Variants in NTM observed in about 807,000 individuals in gnomAD.
The protein encoded by NTM is neurotrimin.
A neutral mutation model predicts 42.1 loss-of-function variants in NTM; 13 were observed. That is an observed-to-expected ratio of 0.31 (90% CI 0.20 to 0.49). The LOEUF is 0.49. NTM is among the 20% of genes least tolerant of loss of function. The pLI is 0.99. For missense variants in NTM, 373 were observed against 452.8 expected (o/e 0.82, Z 1.60); for synonymous variants, 187 against 179.2 (o/e 1.04, Z -0.35).
At chr11:131,547,415 T>A (rs1432667307) in intron 1 of NTM, among the ~76,000 whole-genome samples, 1 of 152,196 alleles carries the variant, frequency 6.6e-6, no homozygotes, top group Non-Finnish European at 1.5e-5. Context: ...CCAGACGATC[T>A]TCAACGTCTT....
chr11:131,926,709 T>C (rs546025365), intron 2 of NTM, among the ~76,000 whole-genome samples: 7 of 152,302 alleles, frequency 4.6e-5, no homozygotes, highest in Admixed American at 4.6e-4. Flanking sequence ...CCAACACCTG[T>C]GTGGATTCAC....
chr11:131,994,017 A>AAAAG (rs566525065), intron 2 of NTM, among the ~76,000 whole-genome samples: 1,843 of 137,870 alleles, frequency 0.013, 33 homozygotes, highest in African/African-American at 0.037. Context: ...AAAAAAAAAA[A>AAAAG]AAGAAGAAGA....
At chr11:131,661,011 CG>C in intron 1 of NTM, 1 of 1,304,330 alleles carries the variant, frequency 7.7e-7, no homozygotes. Flanking sequence ...GAAAAAGAAA[CG>C]GGGAAGGTGG....
intron 1 of NTM, among the ~76,000 whole-genome samples, chr11:131,513,306 G>GC (rs2048487960): frequency 6.6e-6 from 1 of 152,190 alleles, no homozygotes; most frequent in South Asian, 2.1e-4. Flanking sequence ...AGGAGACATT[G>GC]TGTCAAGCCC....
At chr11:131,617,332 G>A (rs1419777031) in intron 1 of NTM, among the ~76,000 whole-genome samples, 2 of 152,154 alleles carry the variant, frequency 1.3e-5, no homozygotes, top group East Asian at 1.9e-4. Flanking sequence ...CGTGTGCTTC[G>A]TACGTGCATA....
intron 1 of NTM, among the ~76,000 whole-genome samples, chr11:131,667,196 T>C (rs1565397526): frequency 6.6e-6 from 1 of 152,184 alleles, no homozygotes; most frequent in Non-Finnish European, 1.5e-5. Context: ...ACCCCAATTC[T>C]GGGCAGAATC....
chr11:132,061,181 T>C (rs1004094091), intron 2 of NTM, among the ~76,000 whole-genome samples: 1 of 152,204 alleles, frequency 6.6e-6, no homozygotes, highest in Non-Finnish European at 1.5e-5. Flanking sequence ...ATCTAAGAAG[T>C]AAAGAAATGT....
intron 1 of NTM, among the ~76,000 whole-genome samples, chr11:131,908,958 A>C (rs575880337): frequency 6.6e-6 from 1 of 152,350 alleles, no homozygotes; most frequent in African/African-American, 2.4e-5. Flanking sequence ...TAAGTTGACG[A>C]TTGATAGTTT....
intron 2 of NTM, among the ~76,000 whole-genome samples, chr11:131,923,617 T>C (rs1471434471): frequency 7.2e-5 from 11 of 152,176 alleles, no homozygotes; most frequent in African/African-American, 2.4e-4. Flanking sequence ...GCAAGGGGTT[T>C]TATGGAAAAT....
At chr11:131,945,255 G>A (rs571457318) in intron 2 of NTM, among the ~76,000 whole-genome samples, 1 of 152,166 alleles carries the variant, frequency 6.6e-6, no homozygotes, top group Non-Finnish European at 1.5e-5. Flanking sequence ...CACACACATA[G>A]CAAGAGGTCT....
Position 131,651,764 on chromosome 11 carries a change from G to A in NTM, c.83-259800G>A, listed in dbSNP as rs540311101. On this transcript the variant is annotated intron_variant, in intron 1 of 8. Transcript: ENST00000683400. ...GCTGAGGCAGGAGAATCGCTTGAAC[G>A]CAGGAGGCGGAGGCTGCAGTGAGCT... is the stretch of plus-strand genomic sequence containing the variant. Among the ~76,000 whole-genome samples the A allele has an allele frequency of 1.4e-3, 211 of 152,134 alleles. 1 individual carries two copies. The highest frequency in any genetic ancestry group is 4.8e-3 in the African/African-American group (201 of 41,512).
intron 2 of NTM, among the ~76,000 whole-genome samples, chr11:132,081,757 T>C (rs1046136651): frequency 2.0e-5 from 3 of 150,796 alleles, no homozygotes; most frequent in African/African-American, 7.3e-5. Flanking sequence ...CCAGACTGGC[T>C]CTTTAAATCT....
chr11:132,141,841 T>C (rs999600573), intron 2 of NTM, among the ~76,000 whole-genome samples: 7 of 152,176 alleles, frequency 4.6e-5, no homozygotes, highest in African/African-American at 1.7e-4. Flanking sequence ...TGCTAGGCCA[T>C]GGGCTGTCCA....
At chr11:131,642,118 T>C (rs1039394481) in intron 1 of NTM, among the ~76,000 whole-genome samples, 1 of 152,128 alleles carries the variant, frequency 6.6e-6, no homozygotes, top group African/African-American at 2.4e-5. Context: ...TCTGGTATTG[T>C]TTAGGAGGGC....
intron 2 of NTM, among the ~76,000 whole-genome samples, chr11:131,967,540 G>C (rs1487100234): frequency 1.3e-5 from 2 of 152,158 alleles, no homozygotes; most frequent in African/African-American, 4.8e-5. Flanking sequence ...GACCAAGCCA[G>C]GACCATTTTA....
intron 1 of NTM, among the ~76,000 whole-genome samples, chr11:131,501,552 G>A (rs1462975269): frequency 6.6e-6 from 1 of 152,156 alleles, no homozygotes; most frequent in Non-Finnish European, 1.5e-5. Flanking sequence ...TTCAGGAGAG[G>A]GAAGCTGTGA....
chr11:131,589,757 T>C (rs1282364345), intron 1 of NTM, among the ~76,000 whole-genome samples: 1 of 152,194 alleles, frequency 6.6e-6, no homozygotes, highest in Non-Finnish European at 1.5e-5. Context: ...GGTCACTGCC[T>C]GGCCTCACTG....
chr11:131,839,494 G>A (rs908882793), intron 1 of NTM, among the ~76,000 whole-genome samples: 3 of 152,338 alleles, frequency 2.0e-5, no homozygotes, highest in Non-Finnish European at 4.4e-5. Flanking sequence ...CTCAGGCCAT[G>A]CTATCCTGCT....
intron 1 of NTM, among the ~76,000 whole-genome samples, chr11:131,376,053 T>C (rs1201003968): frequency 6.6e-6 from 1 of 152,168 alleles, no homozygotes; most frequent in Non-Finnish European, 1.5e-5. Flanking sequence ...AGTTGACAGA[T>C]CTAGGTCAAG....
Sources: gnomAD v4.1 joint callset for allele counts (sites outside exome capture counted in the v4.1 genomes callset) on GRCh38, gnomAD v4.1.1 for gene constraint, MANE v1.5 for transcripts, NCBI Gene and HGNC (gene_info 2026-07-23, HGNC 2026-07-21) for gene names.